Variants in NR1H3 observed in about 807,000 individuals in gnomAD.
NR1H3 encodes oxysterols receptor LXR-alpha.
NR1H3 carries 19 observed loss-of-function variants against 48.1 expected under a neutral mutation model. The ratio of observed to expected loss-of-function variants is 0.40; its 90% confidence interval spans 0.28 to 0.58. The LOEUF (loss-of-function observed/expected upper bound fraction) is 0.58. NR1H3 is among the 20% of genes least tolerant of loss of function. NR1H3 has a pLI of 0.50. For synonymous variants in NR1H3, 232 were observed against 227.3 expected, an observed-to-expected ratio of 1.02 and a Z score of -0.19; for missense variants, 486 against 595.9, an observed-to-expected ratio of 0.82 and a Z score of 1.92.
upstream of NR1H3, among the ~76,000 whole-genome samples, chr11:47,254,343 C>T (rs1190485574): frequency 6.6e-6 from 1 of 152,210 alleles, no homozygotes; most frequent in Admixed American, 6.5e-5. Context: ...ATCTCTGTGA[C>T]ATCTCTGGCT....
Position 47,267,935 on chromosome 11 carries a change from C to A in NR1H3, c.1011C>A (p.Asn337Lys). 6.2e-7 allele frequency: 1 copy of A among 1,614,020 alleles called. No homozygotes were observed. Among genetic ancestry groups the A allele is most frequent in the Middle Eastern group, 1.7e-4 (1 of 6,004 alleles). Reference sequence around the variant, plus strand: ...CAGGGCTGCAAGTGGAATTCATCAACCCCATCTTCGAGTTCTCCAGGGCCA... The same window carrying A: ...CAGGGCTGCAAGTGGAATTCATCAAACCCATCTTCGAGTTCTCCAGGGCCA... ...AKAGLQVEFI[N>K]PIFEFSRAMN... Residue 337 changes from asparagine to lysine, a missense_variant, in exon 8 of 10, where the codon AAC becomes AAA. Physicochemically the swap from Asn to Lys is moderately conservative, Grantham distance 94. Coordinates refer to ENST00000441012, the MANE Select transcript of NR1H3 (RefSeq NM_005693.4).
chr11:47,268,877 C>T lies in NR1H3; in HGVS notation c.*181C>T, dbSNP rs533357574. 196 of 689,852 alleles carry T rather than the reference C, an allele frequency of 2.8e-4. No individual in the cohort carries two copies. The East Asian group carries it at 5.3e-3, about 19-fold the overall frequency. 42.7% of individuals were successfully genotyped at this position (689,852 alleles called of 1,614,324 possible). On this transcript the variant is annotated 3_prime_UTR_variant, in exon 10 of 10. Transcript: ENST00000441012. ...TTTTGTGGCTACTGAGCAGTGGAGC[C>T]CTCGCTAACACTGTGCTGTGTCTGA...
intron 7 of NR1H3, 147 bp from the exon 8 acceptor site, chr11:47,267,766 C>T (rs1052913505): frequency 6.3e-6 from 4 of 634,406 alleles, no homozygotes; most frequent in Non-Finnish European, 1.1e-5. Context: ...GCCTCAGCCT[C>T]CGAAAGTGCT....
In NR1H3 at chr11:47,268,568, C is replaced by T. The variant is rs1957569755; in HGVS notation, c.1216C>T (p.Arg406Trp). Residue 406 changes from arginine (R) to tryptophan (W), a missense_variant, in exon 10 of 10, where the codon CGG (arginine) becomes TGG (tryptophan). Arg to Trp is a moderately radical substitution (Grantham distance 101, BLOSUM62 -3). Coordinates refer to ENST00000441012, the MANE Select transcript of NR1H3 (RefSeq NM_005693.4). ...TCCCCAGGACCGACTGATGTTCCCA[C>T]GGATGCTAATGAAACTGGTGAGCCT... ...HHPHDRLMFP[R>W]MLMKLVSLRT... The T allele has an allele frequency of 6.2e-7, 1 of 1,614,088 alleles. No individual in the cohort carries two copies. The highest frequency in any genetic ancestry group is 1.7e-5 in the Admixed American group (1 of 60,006).
intron 7 of NR1H3, among the ~76,000 whole-genome samples, chr11:47,262,575 C>T (rs540776460): frequency 2.0e-5 from 3 of 150,812 alleles, no homozygotes; most frequent in Non-Finnish European, 2.9e-5. Flanking sequence ...AGTGCAGTGG[C>T]GTGATCTTGG....
At chr11:47,264,517 C>T (rs751349936) in intron 7 of NR1H3, among the ~76,000 whole-genome samples, 2 of 152,202 alleles carry the variant, frequency 1.3e-5, no homozygotes, top group Non-Finnish European at 2.9e-5. Context: ...TAAAGCCCAG[C>T]CCTGCTCCCC....
chr11:47,248,942 TCGGTGGGATTG>T, exon 1 of NR1H3: 1 of 1,532,980 alleles, frequency 6.5e-7, no homozygotes, highest in South Asian at 1.2e-5. Flanking sequence ...AGGCGCAGTC[TCGGTGGGATTG>T]CGTGCAGGAG....
Position 47,268,706 on chromosome 11 carries a change from C to G in NR1H3, c.*10C>G, listed in dbSNP as rs772901244. On this transcript the variant is annotated 3_prime_UTR_variant, in exon 10 of 10. Coordinates refer to ENST00000441012, the MANE Select transcript of NR1H3 (RefSeq NM_005693.4). Reference sequence around the variant, plus strand: ...GGATGTGCACGAATGACTGTTCTGTCCCCATATTTTCTGTTTTCTTGGCCG... The same window carrying G: ...GGATGTGCACGAATGACTGTTCTGTGCCCATATTTTCTGTTTTCTTGGCCG... The G allele has an allele frequency of 1.2e-6, 2 of 1,612,144 alleles. No individual in the cohort carries two copies. The highest frequency in any genetic ancestry group is 1.7e-6 in the Non-Finnish European group (2 of 1,178,788).
intron 1 of NR1H3, among the ~76,000 whole-genome samples, chr11:47,251,534 C>T (rs1465565573): frequency 2.6e-5 from 4 of 152,054 alleles, no homozygotes; most frequent in Non-Finnish European, 5.9e-5. Context: ...ATCACTTGAA[C>T]CCAGGATACA....
In NR1H3 at chr11:47,268,183, CTA is replaced by C. The variant is rs550379667; in HGVS notation, c.1103-74_1103-73del. 4.5e-4 allele frequency: 623 copies of C among 1,370,110 alleles called. 1 individual carries two copies. The highest frequency in any genetic ancestry group is 5.8e-4 in the Non-Finnish European group (564 of 969,922). The allele number at this position is 1,370,110 out of a possible 1,614,324, so 84.9% of individuals were successfully genotyped here. On this transcript the variant is annotated intron_variant, in intron 8 of 9. Transcript: ENST00000441012. ...GAGAGAGCTTGGCTGGAGCATGTCTCTATATTTTGGTTGCAATTTGGGGTATG... is the reference window on the plus strand; with the variant it reads ...GAGAGAGCTTGGCTGGAGCATGTCTCTATTTTGGTTGCAATTTGGGGTATG...
At position 47,268,604 on chromosome 11, in the gene NR1H3, A is replaced by C. The variant is rs1304491978; in HGVS notation, c.1252A>C (p.Ser418Arg). ...GAAACTGGTGAGCCTCCGGACCCTG[A>C]GCAGCGTCCACTCAGAGCAAGTGTT... ...LMKLVSLRTL[S>R]SVHSEQVFAL... Residue 418 changes from serine (S) to arginine (R), a missense_variant, in exon 10 of 10, where the codon AGC becomes CGC. Ser to Arg is a moderately radical substitution (Grantham distance 110, BLOSUM62 -1). Transcript: ENST00000441012. The C allele has an allele frequency of 1.2e-6, 2 of 1,614,086 alleles. No individual in the cohort carries two copies. The highest frequency in any genetic ancestry group is 3.3e-5 in the Admixed American group (2 of 60,004).
Position 47,260,605 on chromosome 11 carries a change from C to T in NR1H3, c.429C>T (p.Asp143=), listed in dbSNP as rs1490382266. 3 of 1,613,408 alleles carry T rather than the reference C, an allele frequency of 1.9e-6. No individual in the cohort carries two copies. Among genetic ancestry groups the T allele is most frequent in the Non-Finnish European group, 2.5e-6 (3 of 1,179,992 alleles). ...ACAGTGGCGGCCACTGCCCCATGGA[C>T]ACCTACATGCGTCGCAAGTGCCAGG... ...ICHSGGHCPM[D]TYMRRKCQEC... Residue 143 remains aspartate, a synonymous_variant, in exon 4 of 10, where the codon GAC becomes GAT. Transcript: ENST00000441012.
chr11:47,250,518 G>C (rs1954555161), intron 1 of NR1H3: 1 of 152,224 alleles, frequency 6.6e-6, no homozygotes, highest in African/African-American at 2.4e-5. Context: ...TTTGCTTCCA[G>C]AGTTGTCATG....
chr11:47,257,646 A>G, upstream of NR1H3: 1 of 985,042 alleles, frequency 1.0e-6, no homozygotes, highest in Non-Finnish European at 1.2e-6. Context: ...GTGCCTATGG[A>G]GGGGAGGGAA....
intron 1 of NR1H3, chr11:47,249,057 C>T: frequency 7.0e-7 from 1 of 1,419,850 alleles, no homozygotes; most frequent in Non-Finnish European, 9.3e-7. Context: ...TTAAGAAGGC[C>T]ACAAATTCGC....
In NR1H3 at chr11:47,268,806, A is replaced by G; in HGVS notation, c.*110A>G. 7.3e-7 allele frequency: 1 copy of G among 1,362,774 alleles called. No homozygotes were observed. Among genetic ancestry groups the G allele is most frequent in the Non-Finnish European group, 1.0e-6 (1 of 997,238 alleles). 84.4% of individuals were successfully genotyped at this position (1,362,774 alleles called of 1,614,324 possible). A position where few individuals can be genotyped will look rare whatever the true frequency, so the allele number is the denominator to read the frequency against. On this transcript the variant is annotated 3_prime_UTR_variant, in exon 10 of 10. Transcript: ENST00000441012. ...GGGCAAACATTCCTGGGAGCTGGGC[A>G]AGGAGATCCTCCCGTGGCATTAAAA...
At chr11:47,264,064 T>C (rs1254557823) in intron 7 of NR1H3, among the ~76,000 whole-genome samples, 2 of 152,246 alleles carry the variant, frequency 1.3e-5, no homozygotes, top group African/African-American at 4.8e-5. Flanking sequence ...CTCTATCTGA[T>C]GCTCGCTTGG....
At chr11:47,253,639 T>G (rs1954843560), upstream of NR1H3, among the ~76,000 whole-genome samples, 1 of 152,262 alleles carries the variant, frequency 6.6e-6, no homozygotes, top group South Asian at 2.1e-4. Context: ...AATGAGTACT[T>G]TCAGGGCAGT....
chr11:47,260,348 G>A (rs1955700625), intron 3 of NR1H3, 61 bp from the exon 4 acceptor site: 1 of 1,554,808 alleles, frequency 6.4e-7, no homozygotes, highest in African/African-American at 1.4e-5. Flanking sequence ...CAGTGGCTGA[G>A]TCAGGGAGAA....
Sources: allele counts gnomAD v4.1 joint callset (sites outside exome capture counted in the v4.1 genomes callset), GRCh38; gene constraint gnomAD v4.1.1; transcripts MANE v1.5; gene names NCBI Gene and HGNC (gene_info 2026-07-23, HGNC 2026-07-21).